The following TTC21A variants were observed in gnomAD, a reference collection of about 807,000 sequenced individuals.
TTC21A encodes the protein tetratricopeptide repeat protein 21A.
In TTC21A, 128 loss-of-function variants were observed where a neutral mutation model predicts 156.4. That is an observed-to-expected ratio of 0.82 (90% confidence interval 0.71 to 0.95). TTC21A has a LOEUF of 0.95. TTC21A is among the 40% of genes least tolerant of loss of function. The pLI, the probability that TTC21A is intolerant of heterozygous loss-of-function variation, is 0.00. For missense variants in TTC21A, 1,435 were observed against 1,602.3 expected (o/e 0.90, Z 1.78); for synonymous variants, 587 against 617.1 (o/e 0.95, Z 0.72).
chr3:39,119,635 A>AAAAAAAG (rs2037581140), intron 7 of TTC21A: 37 of 201,092 alleles, frequency 1.8e-4, no homozygotes, highest in South Asian at 3.6e-4. Context: ...AGCAGTCAAA[A>AAAAAAAG]AAAAAAAAGA....
At chr3:39,119,631 C>CAAAAAAAAAAAGAAAAAAA (rs2037578621) in intron 7 of TTC21A, 1 of 129,620 alleles carries the variant, frequency 7.7e-6, no homozygotes, top group African/African-American at 3.5e-5. Context: ...AAGGAGCAGT[C>CAAAAAAAAAAAGAAAAAAA]AAAAAAAAAA....
At chr3:39,127,536 C>T (rs889162377) in intron 12 of TTC21A, among the ~76,000 whole-genome samples, 2 of 152,190 alleles carry the variant, frequency 1.3e-5, no homozygotes, top group Admixed American at 6.5e-5. Flanking sequence ...ATTTCCACAG[C>T]ACATAAGAAG....
intron 8 of TTC21A, among the ~76,000 whole-genome samples, chr3:39,120,632 C>T (rs1254523661): frequency 6.6e-6 from 1 of 152,256 alleles, no homozygotes; most frequent in Non-Finnish European, 1.5e-5. Context: ...CTGCCTTGTT[C>T]TCCACACATG....
At chr3:39,126,472 TACTACACACACACACACACACAC>T in intron 12 of TTC21A, 82 bp downstream of exon 12, 2 of 1,023,320 alleles carry the variant, frequency 2.0e-6, no homozygotes, top group Non-Finnish European at 2.8e-6. Flanking sequence ...TTGCCTAGGA[TACTACACACACACACACACACAC>T]ACACACACAC....
Position 39,128,769 on chromosome 3 carries a change from C to A in TTC21A, c.1733C>A (p.Ala578Asp). The change falls in exon 14 of 29, where the codon GCT becomes GAT. Residue 578 changes from alanine (A) to aspartate (D), a missense_variant. Physicochemically the swap from Ala to Asp is moderately radical, Grantham distance 126. Transcript: ENST00000683103. ...ATCAAGGCCAGGGCCCTCAACAAGG[C>A]TGGAGACTATCCAGAGGCCATAAAG... is the stretch of plus-strand genomic sequence containing the variant. ...HLIKARALNK[A>D]GDYPEAIKTL... The A allele has an allele frequency of 6.2e-7, 1 of 1,614,172 alleles. No individual in the cohort carries two copies. The highest frequency in any genetic ancestry group is 8.5e-7 in the Non-Finnish European group (1 of 1,180,042).
rs1400019169 is a variant in TTC21A at position 39,120,057 on chromosome 3, C to T, written c.900+37C>T. On this transcript the variant is annotated intron_variant, in intron 8 of 28. Transcript: ENST00000683103. ...CTTTCCTGGTTCTGAAATGGTGCTT[C>T]TCCCTGCTTTCCTTAGAGGAGAACT... 5 of 1,437,018 alleles carry T rather than the reference C, an allele frequency of 3.5e-6. No individual in the cohort carries two copies. The East Asian group carries it at 6.8e-5, about 20-fold the overall frequency. The allele number at this position is 1,437,018 out of a possible 1,614,324, so 89.0% of individuals were successfully genotyped here. A position where few individuals can be genotyped will look rare whatever the true frequency, so the allele number is the denominator to read the frequency against.
Position 39,130,585 on chromosome 3 carries a change from A to G in TTC21A, c.2320-116A>G. On this transcript the variant is annotated intron_variant, in intron 17 of 28. Coordinates refer to ENST00000683103, the MANE Select transcript of TTC21A (RefSeq NM_001366900.1). The surrounding 1 kb of genome is among the most constrained non-coding windows in gnomAD (Gnocchi z 4.5). ...TGCCAGCTGGGAGGAGTGCCTTTTCACTTTAGGCTATGTTCTGGAGGGGCA... is the reference window on the plus strand; with the variant it reads ...TGCCAGCTGGGAGGAGTGCCTTTTCGCTTTAGGCTATGTTCTGGAGGGGCA... The G allele has an allele frequency of 7.3e-7, 1 of 1,362,940 alleles. No individual in the cohort carries two copies. The highest frequency in any genetic ancestry group is 1.0e-6 in the Non-Finnish European group (1 of 986,680). The allele number at this position is 1,362,940 out of a possible 1,614,324, so 84.4% of individuals were successfully genotyped here. A position where few individuals can be genotyped will look rare whatever the true frequency, so the allele number is the denominator to read the frequency against.
chr3:39,126,149 T>C (rs2038217124), intron 11 of TTC21A, 112 bp from the exon 12 acceptor site: 5 of 1,327,968 alleles, frequency 3.8e-6, no homozygotes, highest in Non-Finnish European at 5.3e-6. Context: ...GGATAATAAA[T>C]AAGTGTGGAA....
chr3:39,122,862 C>T (rs2037885628), intron 9 of TTC21A, among the ~76,000 whole-genome samples: 3 of 152,230 alleles, frequency 2.0e-5, no homozygotes, highest in South Asian at 4.1e-4. Context: ...GTCAGGATGT[C>T]TGTCCCACTC....
In TTC21A at chr3:39,134,092, A is replaced by G; in HGVS notation, c.2752-126A>G. The G allele has an allele frequency of 1.4e-6, 1 of 713,696 alleles. No individual in the cohort carries two copies. Among genetic ancestry groups the G allele is most frequent in the East Asian group, 2.5e-5 (1 of 40,344 alleles). The allele number at this position is 713,696 out of a possible 1,614,324, so 44.2% of individuals were successfully genotyped here. A position where few individuals can be genotyped will look rare whatever the true frequency, so the allele number is the denominator to read the frequency against. ...GAAGGCCAGGACGTTCACGTGGGGAATTCGAGACATATTTTGAAGGCAGAG... is the reference window on the plus strand; with the variant it reads ...GAAGGCCAGGACGTTCACGTGGGGAGTTCGAGACATATTTTGAAGGCAGAG... On this transcript the variant is annotated intron_variant, in intron 20 of 28. Transcript: ENST00000683103. This position sits in a 1 kb window ranked among gnomAD's most constrained non-coding sequence, Gnocchi z 4.6.
Position 39,134,395 on chromosome 3 carries a change from T to C in TTC21A, c.2862+67T>C. On this transcript the variant is annotated intron_variant, in intron 21 of 28. Transcript: ENST00000683103. The surrounding 1 kb of genome is among the most constrained non-coding windows in gnomAD (Gnocchi z 4.6). ...CCTTCCCAGGGTCCCTGTGACCAGA[T>C]GCAGGCTACTTCCTAGCCCCGTAAC... The C allele has an allele frequency of 9.0e-7, 1 of 1,111,076 alleles. No individual in the cohort carries two copies. Among genetic ancestry groups the C allele is most frequent in the South Asian group, 1.2e-5 (1 of 81,200 alleles). 68.8% of individuals were successfully genotyped at this position (1,111,076 alleles called of 1,614,324 possible).
In TTC21A at chr3:39,138,704, G is replaced by A; in HGVS notation, c.3865-7G>A. The A allele has an allele frequency of 2.5e-6, 4 of 1,614,120 alleles. No individual in the cohort carries two copies. Among genetic ancestry groups the A allele is most frequent in the Non-Finnish European group, 3.4e-6 (4 of 1,179,990 alleles). On this transcript the variant is annotated splice_polypyrimidine_tract_variant and splice_region_variant and intron_variant, in intron 28 of 28. Coordinates refer to ENST00000683103, the MANE Select transcript of TTC21A (RefSeq NM_001366900.1). The stretch of plus-strand genomic sequence containing the variant: ...GATACTGCACACCCATTCTCTCTCT[G>A]TTCCAGGTCCTCAGGGAGCACCCCG...
chr3:39,112,081 G>A (rs566822926), intron 4 of TTC21A, among the ~76,000 whole-genome samples: 103 of 152,364 alleles, frequency 6.8e-4, no homozygotes, highest in Non-Finnish European at 1.3e-3. Flanking sequence ...AGGCCCCCAT[G>A]TTGGCTCCTG....
chr3:39,136,053 G>A (rs79071587), intron 22 of TTC21A: 5,417 of 171,356 alleles, frequency 0.032, 184 homozygotes, highest in East Asian at 0.14. Flanking sequence ...GCGAGACTCC[G>A]TCTCAAAAAA....
intron 19 of TTC21A, among the ~76,000 whole-genome samples, chr3:39,131,317 A>C (rs1243246042): frequency 1.3e-5 from 2 of 152,214 alleles, no homozygotes; most frequent in Admixed American, 6.5e-5. Flanking sequence ...GAAAGGCAGG[A>C]AGTAAGAGAG....
At chr3:39,132,669 C>T (rs1382268849) in intron 19 of TTC21A, 1 of 232,406 alleles carries the variant, frequency 4.3e-6, no homozygotes. Flanking sequence ...GGTGCTTCCT[C>T]AAATTCCCAG....
chr3:39,110,755 C>T (rs1460705660), intron 3 of TTC21A, 96 bp from the exon 4 acceptor site: 1 of 1,367,552 alleles, frequency 7.3e-7, no homozygotes, highest in Non-Finnish European at 1.0e-6. Context: ...CTGGGGGAGA[C>T]CCCGAGGTAG....
At chr3:39,109,562 G>T (rs1357972209) in intron 2 of TTC21A, among the ~76,000 whole-genome samples, 1 of 152,180 alleles carries the variant, frequency 6.6e-6, no homozygotes, top group Admixed American at 6.5e-5. Flanking sequence ...GAGGACAGGT[G>T]GGTATGGTAC....
intron 7 of TTC21A, 40 bp downstream of exon 7, chr3:39,118,193 G>A (rs1212021286): frequency 6.3e-6 from 10 of 1,597,336 alleles, no homozygotes; most frequent in Non-Finnish European, 8.6e-6. Flanking sequence ...CCTTGAAACA[G>A]AATCAAGGAG....
Sources: gnomAD v4.1 joint callset for allele counts (sites outside exome capture counted in the v4.1 genomes callset) on GRCh38, gnomAD v4.1.1 for gene constraint, Gnocchi (gnomAD v3.1) non-coding constraint, MANE v1.5 for transcripts, NCBI Gene and HGNC (gene_info 2026-07-23, HGNC 2026-07-21) for gene names.